MAGI1: variants seen among roughly 807,000 people sequenced by gnomAD.
MAGI1 encodes membrane associated guanylate kinase, WW and PDZ domain containing 1, also known as membrane-associated guanylate kinase, WW and PDZ domain-containing protein 1.
A neutral mutation model predicts 139.9 loss-of-function variants in MAGI1; 58 were observed. That is an observed-to-expected ratio of 0.41 (90% confidence interval 0.34 to 0.52). The LOEUF (loss-of-function observed/expected upper bound fraction) is 0.52, where lower values mean the gene tolerates loss of function less well. Ranked by LOEUF, MAGI1 falls within the 20% of genes least tolerant of loss-of-function variation. The probability of loss-of-function intolerance (pLI) is 0.12; values close to 1 mark genes in which losing one functional copy is unlikely to be tolerated. For missense variants in MAGI1, 1,874 were observed against 1,901.6 expected (o/e 0.99, Z 0.27); for synonymous variants, 812 against 737.9 (o/e 1.10, Z -1.63).
chr3:65,914,864 G>A (rs2061827384), intron 1 of MAGI1, among the ~76,000 whole-genome samples: 2 of 152,170 alleles, frequency 1.3e-5, no homozygotes, highest in African/African-American at 4.8e-5. Context: ...GGTAAGATAT[G>A]TTACTTTTCT....
chr3:65,359,237 T>C (rs1252957412), intron 22 of MAGI1: 9 of 1,573,860 alleles, frequency 5.7e-6, no homozygotes. Flanking sequence ...TTAGATTCCC[T>C]ATAACACAGA....
At chr3:65,749,597 C>T (rs35660018) in intron 1 of MAGI1, among the ~76,000 whole-genome samples, 2 of 151,316 alleles carry the variant, frequency 1.3e-5, no homozygotes, top group African/African-American at 2.4e-5. Context: ...GATGGGTGCA[C>T]CAAAATCTCA....
At chr3:65,607,289 T>C (rs1452284392) in intron 2 of MAGI1, among the ~76,000 whole-genome samples, 4 of 151,644 alleles carry the variant, frequency 2.6e-5, no homozygotes, top group African/African-American at 9.7e-5. Flanking sequence ...ACTTTCCCCT[T>C]CCTGCTACAG....
intron 2 of MAGI1, among the ~76,000 whole-genome samples, chr3:65,611,352 TA>T (rs1472271424): frequency 7.0e-6 from 1 of 143,174 alleles, no homozygotes; most frequent in Admixed American, 7.2e-5. Flanking sequence ...CTATATAGAG[TA>T]TACTATATAC....
chr3:65,555,723 T>C (rs557211868), intron 2 of MAGI1, among the ~76,000 whole-genome samples: 2 of 152,234 alleles, frequency 1.3e-5, no homozygotes, highest in African/African-American at 4.8e-5. Context: ...CCAGGCATAG[T>C]GATGCGTGCC....
chr3:65,645,823 CTT>C (rs1216254239), intron 1 of MAGI1, among the ~76,000 whole-genome samples: 2 of 151,968 alleles, frequency 1.3e-5, no homozygotes, highest in African/African-American at 4.8e-5. Context: ...ATTTTATATA[CTT>C]TTGAGTATAT....
chr3:65,792,473 A>G (rs936569842), intron 1 of MAGI1, among the ~76,000 whole-genome samples: 2 of 151,400 alleles, frequency 1.3e-5, no homozygotes, highest in Non-Finnish European at 2.9e-5. Flanking sequence ...TGATAATAAT[A>G]GTAGTTACTA....
At chr3:65,358,677 T>C (rs1429809122) in intron 22 of MAGI1, among the ~76,000 whole-genome samples, 8 of 152,192 alleles carry the variant, frequency 5.3e-5, no homozygotes, top group African/African-American at 1.9e-4. Context: ...ATTGGGCCCA[T>C]GGACTGCAGT....
intron 1 of MAGI1, among the ~76,000 whole-genome samples, chr3:65,726,822 G>T (rs1369147272): frequency 6.6e-6 from 1 of 151,900 alleles, no homozygotes; most frequent in Non-Finnish European, 1.5e-5. Flanking sequence ...AAATCCCCAG[G>T]CAAGTATCAC....
intron 1 of MAGI1, among the ~76,000 whole-genome samples, chr3:65,814,936 G>A (rs749110552): frequency 6.6e-6 from 1 of 152,150 alleles, no homozygotes; most frequent in Non-Finnish European, 1.5e-5. Context: ...TATCTACAGA[G>A]AGGAAAAGGA....
intron 1 of MAGI1, among the ~76,000 whole-genome samples, chr3:65,729,384 T>C (rs1009550915): frequency 6.6e-5 from 10 of 152,204 alleles, no homozygotes; most frequent in African/African-American, 2.4e-4. Flanking sequence ...AAGTTTGAGG[T>C]TGGCTAAAAT....
Position 65,391,386 on chromosome 3 carries a change from G to T in MAGI1, c.2200-28C>A, listed in dbSNP as rs777588757. Reference sequence around the variant, plus strand: ...GAAAGTAAGCAAGTGAGAGGGGCAAGAAGAAAAGATTATTATTGGTTCTCT... The same window carrying T: ...GAAAGTAAGCAAGTGAGAGGGGCAATAAGAAAAGATTATTATTGGTTCTCT... On this transcript the variant is annotated intron_variant, in intron 13 of 22. Transcript: ENST00000402939. 3 of 1,586,288 alleles carry T rather than the reference G, an allele frequency of 1.9e-6. No homozygotes were observed. In the Admixed American group the frequency reaches 5.0e-5, roughly 27 times the overall value.
At chr3:65,963,833 T>C (rs1322781013) in intron 1 of MAGI1, among the ~76,000 whole-genome samples, 1 of 152,212 alleles carries the variant, frequency 6.6e-6, no homozygotes, top group African/African-American at 2.4e-5. Context: ...ATTTCAAGAT[T>C]TGGCACAATG....
At chr3:65,780,761 T>C (rs968349859) in intron 1 of MAGI1, among the ~76,000 whole-genome samples, 1 of 152,164 alleles carries the variant, frequency 6.6e-6, no homozygotes, top group African/African-American at 2.4e-5. Context: ...GGCCACCACA[T>C]TATCAACCAT....
rs2078671171 is a variant in MAGI1 at position 65,530,822 on chromosome 3, CGTATATATATATAT to C, written c.431-37205_431-37192del. 1.4e-4 allele frequency among the ~76,000 whole-genome samples: 6 copies of C among 43,184 alleles called. 2 individuals are homozygous for C. In the East Asian group the frequency reaches 2.2e-3, roughly 16 times the overall value. The allele number at this position is 43,184 out of a possible 152,430, so 28.3% of individuals were successfully genotyped here. ...ATATATATACACACATATATATACACGTATATATATATATATACACACACACACACACATATATA... is the reference window on the plus strand; with the variant it reads ...ATATATATACACACATATATATACACATACACACACACACACACATATATA... On this transcript the variant is annotated intron_variant, in intron 2 of 22. Transcript: ENST00000402939.
At position 65,558,993 on chromosome 3, in the gene MAGI1, A is replaced by T. The variant is rs143653888; in HGVS notation, c.430+62979T>A. On this transcript the variant is annotated intron_variant, in intron 2 of 22. Coordinates refer to ENST00000402939, the MANE Select transcript of MAGI1 (RefSeq NM_001033057.2). ...GCTAGATTAGGCTTCTCACAAAGGA[A>T]CTAAAGGGCCAAATTATACATAGTG... 1.6e-4 allele frequency among the ~76,000 whole-genome samples: 25 copies of T among 152,334 alleles called. No individual in the cohort carries two copies. The East Asian group carries it at 4.6e-3, about 28-fold the overall frequency.
chr3:65,710,015 T>C (rs1156822251), intron 1 of MAGI1, among the ~76,000 whole-genome samples: 1 of 152,174 alleles, frequency 6.6e-6, no homozygotes, highest in Non-Finnish European at 1.5e-5. Context: ...AATAGTGAAA[T>C]GTGCCACATA....
chr3:65,398,383 C>T (rs1944565673), intron 13 of MAGI1, among the ~76,000 whole-genome samples: 1 of 152,092 alleles, frequency 6.6e-6, no homozygotes, highest in South Asian at 2.1e-4. Flanking sequence ...TACCTACAGT[C>T]CCAGCTACTT....
At chr3:65,790,051 C>T (rs1231677702) in intron 1 of MAGI1, among the ~76,000 whole-genome samples, 2 of 152,254 alleles carry the variant, frequency 1.3e-5, no homozygotes, top group South Asian at 4.1e-4. Flanking sequence ...AACTTACAGA[C>T]CTAACTAAAG....
Sources: gnomAD v4.1 joint callset for allele counts (sites outside exome capture counted in the v4.1 genomes callset) on GRCh38, gnomAD v4.1.1 for gene constraint, MANE v1.5 for transcripts, NCBI Gene and HGNC (gene_info 2026-07-23, HGNC 2026-07-21) for gene names.